The following NRXN1 variants were observed in gnomAD, a reference collection of about 807,000 sequenced individuals.
NRXN1 encodes the protein neurexin 1.
A neutral mutation model predicts 150.9 loss-of-function variants in NRXN1; 39 were observed. That is an observed-to-expected ratio of 0.26 (90% CI 0.20 to 0.34). NRXN1 has a LOEUF of 0.34. Among genes scored for constraint, NRXN1 ranks in the 10% least tolerant of loss-of-function variants. The pLI is 1.00. For missense variants in NRXN1, 1,815 were observed against 1,949.9 expected (o/e 0.93, Z 1.30); for synonymous variants, 924 against 757.0 (o/e 1.22, Z -3.62).
At chr2:50,455,604 G>A (rs1437155066) in intron 17 of NRXN1, among the ~76,000 whole-genome samples, 2 of 152,132 alleles carry the variant, frequency 1.3e-5, no homozygotes, top group Admixed American at 6.6e-5. Flanking sequence ...CAGCTAAGAG[G>A]AAATGGTATT....
At chr2:50,652,995 C>T (rs910357625) in intron 5 of NRXN1, among the ~76,000 whole-genome samples, 1 of 151,942 alleles carries the variant, frequency 6.6e-6, no homozygotes, top group South Asian at 2.1e-4. Context: ...TTTCATTCCT[C>T]GTTTTAGTAT....
At chr2:50,996,975 C>G (rs72828338) in intron 2 of NRXN1, among the ~76,000 whole-genome samples, 1 of 151,806 alleles carries the variant, frequency 6.6e-6, no homozygotes, top group African/African-American at 2.4e-5. Context: ...ATAGGTTTCA[C>G]GTAAGGAGAA....
At chr2:50,476,120 C>G (rs1330622453) in intron 15 of NRXN1, among the ~76,000 whole-genome samples, 1 of 152,068 alleles carries the variant, frequency 6.6e-6, no homozygotes, top group Non-Finnish European at 1.5e-5. Context: ...AATTGGGACA[C>G]TTTCAGCAAA....
chr2:50,495,504 C>T (rs965521615), intron 15 of NRXN1, among the ~76,000 whole-genome samples: 6 of 151,654 alleles, frequency 4.0e-5, no homozygotes, highest in Non-Finnish European at 7.4e-5. Context: ...ACTTAGGATC[C>T]AGGAAACCTT....
intron 17 of NRXN1, among the ~76,000 whole-genome samples, chr2:50,312,345 T>G (rs2075252039): frequency 6.6e-6 from 1 of 151,628 alleles, no homozygotes; most frequent in East Asian, 1.9e-4. Context: ...ATGCAGGGGT[T>G]AAAAAAAGAA....
chr2:50,459,501 CCTT>C (rs1004915431), intron 17 of NRXN1, among the ~76,000 whole-genome samples: 1 of 152,066 alleles, frequency 6.6e-6, no homozygotes, highest in Non-Finnish European at 1.5e-5. Context: ...TCTGCTGCTC[CCTT>C]CTTTGCGTTC....
At chr2:50,307,677 C>A (rs2152959807) in intron 17 of NRXN1, among the ~76,000 whole-genome samples, 1 of 152,106 alleles carries the variant, frequency 6.6e-6, no homozygotes, top group African/African-American at 2.4e-5. Flanking sequence ...GTAAAAACAC[C>A]ATCAAGTGAC....
chr2:50,455,206 C>G (rs992317783), intron 17 of NRXN1, among the ~76,000 whole-genome samples: 5 of 152,066 alleles, frequency 3.3e-5, no homozygotes, highest in East Asian at 3.9e-4. Flanking sequence ...TTAACAAAAC[C>G]TACTGACAAC....
intron 5 of NRXN1, among the ~76,000 whole-genome samples, chr2:50,765,288 A>G (rs1020419431): frequency 5.3e-5 from 8 of 152,044 alleles, no homozygotes; most frequent in African/African-American, 1.9e-4. Flanking sequence ...AGCTTCTGGA[A>G]TGTAACACAT....
rs1325531705 is a variant in NRXN1, at chr2:50,346,787, C to T, written c.3365-109817G>A. 2 of 1,613,660 alleles carry T rather than the reference C, an allele frequency of 1.2e-6. No homozygotes were observed. The highest frequency in any genetic ancestry group is 1.7e-6 in the Non-Finnish European group (2 of 1,179,948). ...TGGAAATGGTGGATGTGGTGCGCTC[C>T]CAAACTGGATGCCCCCCACGCCACT... On this transcript the variant is annotated intron_variant, in intron 17 of 22. Transcript: ENST00000401669. This position sits in a 1 kb window ranked among gnomAD's most constrained non-coding sequence, Gnocchi z 5.0.
chr2:50,725,752 A>T (rs1697274971), intron 5 of NRXN1, among the ~76,000 whole-genome samples: 1 of 152,192 alleles, frequency 6.6e-6, no homozygotes, highest in South Asian at 2.1e-4. Flanking sequence ...TGTTTAGAAG[A>T]TAGACTTTAT....
intron 2 of NRXN1, among the ~76,000 whole-genome samples, chr2:50,975,739 G>A (rs924823709): frequency 1.3e-5 from 2 of 152,012 alleles, no homozygotes; most frequent in Admixed American, 6.6e-5. Context: ...ACGGGAATGC[G>A]AATTATGTGG....
rs70948719 is a variant in NRXN1 at position 50,562,329 on chromosome 2, CGATA to C, written c.1321-9308_1321-9305del. ...ATTAGACAAATATATGATAGATATA[CGATA>C]GATAGATAGATAGATAGATAGATAG... is the stretch of plus-strand genomic sequence containing the variant. On this transcript the variant is annotated intron_variant, in intron 8 of 22. Transcript: ENST00000401669. 1.0e-2 allele frequency among the ~76,000 whole-genome samples: 1,500 copies of C among 150,004 alleles called. 12 individuals carry two copies. Among genetic ancestry groups the C allele is most frequent in the African/African-American group, 0.016 (663 of 40,744 alleles).
chr2:50,353,644 A>G (rs1179985124), intron 17 of NRXN1, among the ~76,000 whole-genome samples: 1 of 152,100 alleles, frequency 6.6e-6, no homozygotes, highest in Non-Finnish European at 1.5e-5. Flanking sequence ...TTCTTTATTC[A>G]TGTGTACTTA....
At chr2:50,472,949 C>A (rs914546506) in intron 15 of NRXN1, among the ~76,000 whole-genome samples, 4 of 151,772 alleles carry the variant, frequency 2.6e-5, no homozygotes, top group African/African-American at 9.7e-5. Flanking sequence ...CAAGCATCCA[C>A]AAGAGCAAAA....
intron 21 of NRXN1, among the ~76,000 whole-genome samples, chr2:50,017,520 C>G (rs1389849731): frequency 6.6e-6 from 1 of 152,114 alleles, no homozygotes; most frequent in Non-Finnish European, 1.5e-5. Flanking sequence ...ATTTCGCTTT[C>G]CAATTAAAGT....
At chr2:50,937,281 T>A (rs925889202) in intron 2 of NRXN1, among the ~76,000 whole-genome samples, 1 of 152,154 alleles carries the variant, frequency 6.6e-6, no homozygotes, top group Non-Finnish European at 1.5e-5. Context: ...GCAATGCCTT[T>A]TCCATTCCCC....
chr2:50,519,933 A>G (rs765007955), intron 12 of NRXN1, among the ~76,000 whole-genome samples: 7 of 151,964 alleles, frequency 4.6e-5, no homozygotes, highest in Non-Finnish European at 7.4e-5. Flanking sequence ...GAAACAATAG[A>G]TTACATTTAA....
intron 19 of NRXN1, among the ~76,000 whole-genome samples, chr2:50,068,270 T>C (rs895017780): frequency 6.6e-6 from 1 of 152,154 alleles, no homozygotes; most frequent in African/African-American, 2.4e-5. Context: ...TGGATAAAGG[T>C]GCTGGATAAT....
Sources: gnomAD v4.1 joint callset for allele counts (sites outside exome capture counted in the v4.1 genomes callset) on GRCh38, gnomAD v4.1.1 for gene constraint, Gnocchi (gnomAD v3.1) non-coding constraint, MANE v1.5 for transcripts, NCBI Gene and HGNC (gene_info 2026-07-23, HGNC 2026-07-21) for gene names.